ATPSCKMT: variants seen among roughly 807,000 people sequenced by gnomAD.
ATPSCKMT encodes ATP synthase c subunit lysine N-methyltransferase.
ATPSCKMT carries 24 observed loss-of-function variants against 24.3 expected under a neutral mutation model. That is an observed-to-expected ratio of 0.99 (90% CI 0.71 to 1.39). The LOEUF is 1.39. ATPSCKMT is among the 40% of genes most tolerant of loss of function. The pLI is 0.00. For synonymous variants in ATPSCKMT, 95 were observed against 110.5 expected (o/e 0.86, Z 0.88); for missense variants, 311 against 298.4 (o/e 1.04, Z -0.31).
intron 1 of ATPSCKMT, among the ~76,000 whole-genome samples, chr5:10,245,084 A>G (rs1198424407): frequency 6.6e-6 from 1 of 152,160 alleles, no homozygotes; most frequent in Non-Finnish European, 1.5e-5. Context: ...GTTGTTACTA[A>G]GGCATGGTTT....
rs767933847 is a variant in ATPSCKMT at position 10,226,284 on chromosome 5, G to A, written c.*1157C>T. On this transcript the variant is annotated 3_prime_UTR_variant, in exon 5 of 5. Coordinates refer to ENST00000511437, the MANE Select transcript of ATPSCKMT (RefSeq NM_199133.4). ...CTGAATACATATTTGTTGAATGAAT[G>A]AATGTGTCCCCAGATGTTTCTCATT... The A allele has an allele frequency of 6.6e-6, 1 of 152,222 alleles. No homozygotes were observed. The allele number at this position is 152,222 out of a possible 1,614,324, so 9.4% of individuals were successfully genotyped here.
At chr5:10,240,224 ACT>A (rs1484881157) in intron 1 of ATPSCKMT, among the ~76,000 whole-genome samples, 8 of 150,934 alleles carry the variant, frequency 5.3e-5, no homozygotes, top group African/African-American at 1.9e-4. Context: ...ACAGAGCGAG[ACT>A]CTGTCTCAAA....
At chr5:10,245,355 G>A (rs1374135686) in intron 1 of ATPSCKMT, among the ~76,000 whole-genome samples, 1 of 152,174 alleles carries the variant, frequency 6.6e-6, no homozygotes, top group Non-Finnish European at 1.5e-5. Context: ...GGAAGGCGGA[G>A]TTTGCAGTGA....
At chr5:10,232,396 G>C (rs1006042990) in intron 4 of ATPSCKMT, among the ~76,000 whole-genome samples, 1 of 152,220 alleles carries the variant, frequency 6.6e-6, no homozygotes, top group African/African-American at 2.4e-5. Flanking sequence ...GGGCCAGCTA[G>C]AAGAAGAAAG....
At chr5:10,237,493 C>T (rs1744426555) in intron 2 of ATPSCKMT, among the ~76,000 whole-genome samples, 1 of 152,146 alleles carries the variant, frequency 6.6e-6, no homozygotes, top group Non-Finnish European at 1.5e-5. Context: ...GCAGGTCTTT[C>T]CCATGCTATT....
intron 3 of ATPSCKMT, 35 bp from the exon 4 acceptor site, chr5:10,235,296 T>C (rs371280545): frequency 6.3e-7 from 1 of 1,585,664 alleles, no homozygotes; most frequent in Non-Finnish European, 8.6e-7. Flanking sequence ...GTAGATTAAG[T>C]GCAAAAAGCC....
At position 10,225,805 on chromosome 5, in the gene ATPSCKMT, T is replaced by C. The variant is rs1396470; in HGVS notation, c.*1636A>G. 0.17 allele frequency among the ~76,000 whole-genome samples: 26,405 copies of C among 151,868 alleles called. 3,669 individuals are homozygous for C. The highest frequency in any genetic ancestry group is 0.73 in the East Asian group (3,743 of 5,140). The stretch of plus-strand genomic sequence containing the variant: ...ACCCACCAGGAACACTTCTAGAAAA[T>C]GTTGAACACCTCCGAGGCCCCACAG... On this transcript the variant is annotated 3_prime_UTR_variant, in exon 5 of 5. Coordinates refer to ENST00000511437, the MANE Select transcript of ATPSCKMT (RefSeq NM_199133.4).
rs771107516 is a variant in ATPSCKMT at position 10,239,310 on chromosome 5, A to C, written c.63T>G (p.Val21=). Residue 21 remains valine, a synonymous_variant, in exon 2 of 5, where the codon GTT becomes GTG. Transcript: ENST00000511437. ...TGTTGACTTCAAAACTTGCAGGTAGAACATGTCTTGACTGACTTTCTTCTT... is the reference window on the plus strand; with the variant it reads ...TGTTGACTTCAAAACTTGCAGGTAGCACATGTCTTGACTGACTTTCTTCTT... ...TLKEESQSRH[V]LPASFEVNSL... is the part of the protein sequence containing the mutation. 6.2e-7 allele frequency: 1 copy of C among 1,614,196 alleles called. No individual in the cohort carries two copies. Among genetic ancestry groups the C allele is most frequent in the South Asian group, 1.1e-5 (1 of 91,092 alleles).
intron 2 of ATPSCKMT, among the ~76,000 whole-genome samples, chr5:10,238,801 G>A (rs1335822378): frequency 6.6e-6 from 1 of 152,214 alleles, no homozygotes; most frequent in East Asian, 1.9e-4. Context: ...TGTATTTTAA[G>A]AGACAATTTG....
chr5:10,227,702 C>CA, intron 4 of ATPSCKMT, 55 bp from the exon 5 acceptor site: 3 of 1,502,356 alleles, frequency 2.0e-6, no homozygotes, highest in Non-Finnish European at 2.7e-6. Context: ...GGAAATGATC[C>CA]CAAAATTTCC....
At chr5:10,233,103 C>T (rs1448982174) in intron 4 of ATPSCKMT, among the ~76,000 whole-genome samples, 3 of 152,198 alleles carry the variant, frequency 2.0e-5, no homozygotes, top group Non-Finnish European at 4.4e-5. Flanking sequence ...TGAGGGTTTA[C>T]AGCCCCAGAG....
chr5:10,238,316 A>G (rs940464067), intron 2 of ATPSCKMT, among the ~76,000 whole-genome samples: 3 of 152,192 alleles, frequency 2.0e-5, no homozygotes, highest in Non-Finnish European at 2.9e-5. Flanking sequence ...AAATATCTTA[A>G]CTTTCTAACC....
In ATPSCKMT at chr5:10,236,632, G is replaced by A. The variant is rs555986900; in HGVS notation, c.307-17C>T. On this transcript the variant is annotated splice_polypyrimidine_tract_variant and intron_variant, in intron 2 of 4. Coordinates refer to ENST00000511437, the MANE Select transcript of ATPSCKMT (RefSeq NM_199133.4). Reference sequence around the variant, plus strand: ...CGCTATGACCTGTGGAGAGAGGCAGGATTTATTCAAAATAAGAAGAAAAAA... The same window carrying A: ...CGCTATGACCTGTGGAGAGAGGCAGAATTTATTCAAAATAAGAAGAAAAAA... 6.8e-6 allele frequency: 11 copies of A among 1,605,944 alleles called. No individual in the cohort carries two copies. The highest frequency in any genetic ancestry group is 1.3e-5 in the African/African-American group (1 of 74,668).
chr5:10,248,853 C>T (rs1023582567), intron 1 of ATPSCKMT, among the ~76,000 whole-genome samples: 4 of 152,172 alleles, frequency 2.6e-5, no homozygotes, highest in African/African-American at 7.2e-5. Flanking sequence ...AAACCCTCAA[C>T]AAATAAATCT....
intron 4 of ATPSCKMT, among the ~76,000 whole-genome samples, chr5:10,233,408 ATC>A (rs1369127551): frequency 6.6e-6 from 1 of 152,088 alleles, no homozygotes; most frequent in Non-Finnish European, 1.5e-5. Context: ...AGCTGGCCAA[ATC>A]TCTATTACAG....
chr5:10,245,587 A>G (rs1390724374), intron 1 of ATPSCKMT, among the ~76,000 whole-genome samples: 1 of 151,944 alleles, frequency 6.6e-6, no homozygotes, highest in Non-Finnish European at 1.5e-5. Context: ...CTCTACCAAA[A>G]ATGCAAAAAA....
rs199675352 is a variant in ATPSCKMT at position 10,227,451 on chromosome 5, A to C, written c.692T>G (p.Ile231Ser). The C allele has an allele frequency of 1.2e-6, 2 of 1,614,128 alleles. No individual in the cohort carries two copies. Among genetic ancestry groups the C allele is most frequent in the African/African-American group, 2.7e-5 (2 of 75,054 alleles). The part of the protein sequence containing the change: ...PCTSMHFQLP[I>S]QA ...CACTCCCAGTCAAGTTTATGCTTGAATGGGCAGCTGGAAATGCATCGATGT... is the reference window on the plus strand; with the variant it reads ...CACTCCCAGTCAAGTTTATGCTTGACTGGGCAGCTGGAAATGCATCGATGT... The change falls in exon 5 of 5, where the codon ATT becomes AGT. Residue 231 changes from isoleucine (I) to serine (S), a missense_variant. Transcript: ENST00000511437.
At chr5:10,241,880 T>C (rs1333495686) in intron 1 of ATPSCKMT, among the ~76,000 whole-genome samples, 2 of 152,224 alleles carry the variant, frequency 1.3e-5, no homozygotes, top group African/African-American at 4.8e-5. Flanking sequence ...AGTGTGCAAT[T>C]GCACTGTTCA....
chr5:10,249,538 G>A (rs1745190009), intron 1 of ATPSCKMT: 1 of 360,732 alleles, frequency 2.8e-6, no homozygotes, highest in Non-Finnish European at 4.9e-6. Context: ...AGGAAGAGCG[G>A]CAGAACTGCG....
Sources: allele counts gnomAD v4.1 joint callset (sites outside exome capture counted in the v4.1 genomes callset), GRCh38; gene constraint gnomAD v4.1.1; transcripts MANE v1.5; gene names NCBI Gene and HGNC (gene_info 2026-07-23, HGNC 2026-07-21).